The following GRID2 variants were observed in gnomAD, a reference collection of about 807,000 sequenced individuals.
GRID2 encodes the protein glutamate receptor ionotropic, delta-2.
In GRID2, 33 loss-of-function variants were observed where a neutral mutation model predicts 114.8. The observed-to-expected ratio is 0.29, with a 90% CI of 0.22 to 0.38. The LOEUF is 0.38. Among genes scored for constraint, GRID2 ranks in the 10% least tolerant of loss-of-function variants. The probability of loss-of-function intolerance (pLI) is 1.00; values close to 1 mark genes in which losing one functional copy is unlikely to be tolerated. For synonymous variants in GRID2, 505 were observed against 449.9 expected, an observed-to-expected ratio of 1.12 and a Z score of -1.55; for missense variants, 1,184 against 1,257.7, an observed-to-expected ratio of 0.94 and a Z score of 0.89.
intron 1 of GRID2, among the ~76,000 whole-genome samples, chr4:92,389,628 G>T (rs910336765): frequency 6.6e-6 from 1 of 152,076 alleles, no homozygotes; most frequent in Non-Finnish European, 1.5e-5. Context: ...TAAGAGAACA[G>T]AAACCGAGTT....
At chr4:93,397,618 T>A (rs1202949157) in intron 9 of GRID2, among the ~76,000 whole-genome samples, 2 of 151,926 alleles carry the variant, frequency 1.3e-5, no homozygotes, top group Non-Finnish European at 2.9e-5. Context: ...CATAGAATCT[T>A]GTTAGGTTGA....
In GRID2 at chr4:93,511,676, G is replaced by A. The variant is rs537448472; in HGVS notation, c.1998-3540G>A. ...ATTCACTGAGTTTTATGTGAGATAT[G>A]TGGTTAGGTAGAGAAACAGAGTATA... On this transcript the variant is annotated intron_variant, in intron 12 of 15. Coordinates refer to ENST00000282020, the MANE Select transcript of GRID2 (RefSeq NM_001510.4). Among the ~76,000 whole-genome samples the A allele has an allele frequency of 2.0e-4, 31 of 152,192 alleles. 1 individual carries two copies. In the South Asian group the frequency reaches 6.4e-3, roughly 32 times the overall value.
At chr4:93,026,895 C>T (rs543567337) in intron 2 of GRID2, among the ~76,000 whole-genome samples, 4 of 151,930 alleles carry the variant, frequency 2.6e-5, no homozygotes, top group East Asian at 1.9e-4. Context: ...TGATAATGGC[C>T]TGAAAAACTG....
rs190073182 is a variant in GRID2 at position 92,652,822 on chromosome 4, T to A, written c.244+62536T>A. ...GAAAAAAAAAATATATATATATATA[T>A]AAATATATATAAATTTATAAATATA... is the stretch of plus-strand genomic sequence containing the variant. On this transcript the variant is annotated intron_variant, in intron 2 of 15. Transcript: ENST00000282020. Among the ~76,000 whole-genome samples, 92 of 137,154 alleles carry A rather than the reference T, an allele frequency of 6.7e-4. 15 individuals carry two copies. The East Asian group carries it at 0.013, about 20-fold the overall frequency. The allele number at this position is 137,154 out of a possible 152,430, so 90.0% of individuals were successfully genotyped here.
chr4:93,088,629 C>G (rs149575479), intron 3 of GRID2, among the ~76,000 whole-genome samples: 1 of 151,958 alleles, frequency 6.6e-6, no homozygotes, highest in Non-Finnish European at 1.5e-5. Context: ...GAGAAACAGC[C>G]CCCCTACCAA....
At chr4:93,290,766 C>T (rs571946471) in intron 8 of GRID2, among the ~76,000 whole-genome samples, 143 of 150,918 alleles carry the variant, frequency 9.5e-4, no homozygotes, top group Admixed American at 1.3e-3. Context: ...TCCACAGTAA[C>T]ATTTTCAAAT....
chr4:93,690,620 C>A (rs1040319495), intron 14 of GRID2, among the ~76,000 whole-genome samples: 3 of 151,710 alleles, frequency 2.0e-5, no homozygotes, highest in African/African-American at 7.3e-5. Flanking sequence ...AGAAATATTT[C>A]TCATCACAAA....
chr4:93,474,343 T>C (rs1026423547), intron 11 of GRID2, among the ~76,000 whole-genome samples: 1 of 152,164 alleles, frequency 6.6e-6, no homozygotes, highest in Non-Finnish European at 1.5e-5. Flanking sequence ...ACCTTCCATC[T>C]ATTTTCTTTA....
intron 1 of GRID2, among the ~76,000 whole-genome samples, chr4:92,318,868 C>T (rs767092117): frequency 1.3e-4 from 20 of 152,110 alleles, no homozygotes; most frequent in Non-Finnish European, 2.2e-4. Context: ...AGTTGCCTTT[C>T]GCTACCATTT....
At chr4:93,615,593 T>C (rs1213174465) in intron 13 of GRID2, among the ~76,000 whole-genome samples, 2 of 143,566 alleles carry the variant, frequency 1.4e-5, no homozygotes, top group African/African-American at 5.3e-5. Flanking sequence ...TATACTCCAA[T>C]AAATATGTAC....
chr4:93,382,431 C>A lies in GRID2; in HGVS notation c.1246-13176C>A, dbSNP rs547721677. On this transcript the variant is annotated intron_variant, in intron 8 of 15. Transcript: ENST00000282020. ...TGTTCACTTTTCTTTAATCTTTTTT[C>A]TTTCTGTTCCTTGGATTGATAATTC... Among the ~76,000 whole-genome samples the A allele has an allele frequency of 2.6e-5, 4 of 151,804 alleles. No homozygotes were observed. In the East Asian group the frequency reaches 7.7e-4, roughly 29 times the overall value.
At chr4:93,205,214 T>G (rs906169888) in intron 4 of GRID2, among the ~76,000 whole-genome samples, 20 of 142,572 alleles carry the variant, frequency 1.4e-4, no homozygotes, top group African/African-American at 4.3e-4. Context: ...GTATAAAGTG[T>G]TTTTTTTTTA....
At chr4:92,439,743 A>G (rs1168269309) in intron 1 of GRID2, among the ~76,000 whole-genome samples, 14 of 146,204 alleles carry the variant, frequency 9.6e-5, no homozygotes, top group African/African-American at 3.4e-4. Flanking sequence ...GGGATGACTC[A>G]GGACATCTGA....
chr4:92,442,938 G>T (rs1260539024), intron 1 of GRID2, among the ~76,000 whole-genome samples: 3 of 152,104 alleles, frequency 2.0e-5, no homozygotes, highest in African/African-American at 4.8e-5. Context: ...GTGAGGAGGG[G>T]AGGTGATAAA....
intron 1 of GRID2, among the ~76,000 whole-genome samples, chr4:92,318,420 T>G (rs1308233654): frequency 6.7e-6 from 1 of 150,270 alleles, no homozygotes; most frequent in Non-Finnish European, 1.5e-5. Flanking sequence ...TTGTTTTCTT[T>G]TAGGCCCCTC....
intron 8 of GRID2, among the ~76,000 whole-genome samples, chr4:93,256,765 T>A (rs1749641892): frequency 6.6e-6 from 1 of 151,998 alleles, no homozygotes. Flanking sequence ...TCTATATTAC[T>A]AATATGTACT....
chr4:93,208,997 A>T (rs531007950), intron 5 of GRID2, among the ~76,000 whole-genome samples: 2 of 152,078 alleles, frequency 1.3e-5, no homozygotes, highest in Non-Finnish European at 2.9e-5. Context: ...CAAAGAAATT[A>T]AACAATTCAG....
At chr4:93,163,387 T>TAC (rs1560941812) in intron 4 of GRID2, among the ~76,000 whole-genome samples, 15 of 46,344 alleles carry the variant, frequency 3.2e-4, no homozygotes, top group African/African-American at 1.2e-3. Context: ...TATATATATA[T>TAC]ATATATATAT....
intron 8 of GRID2, among the ~76,000 whole-genome samples, chr4:93,239,936 G>A (rs1747289610): frequency 6.6e-6 from 1 of 151,584 alleles, no homozygotes; most frequent in African/African-American, 2.4e-5. Flanking sequence ...TGCTTCTTGT[G>A]TTCAACAGTG....
Sources: allele counts gnomAD v4.1 joint callset (sites outside exome capture counted in the v4.1 genomes callset), GRCh38; gene constraint gnomAD v4.1.1; transcripts MANE v1.5; gene names NCBI Gene and HGNC (gene_info 2026-07-23, HGNC 2026-07-21).